TMEM266: variants seen among roughly 807,000 people sequenced by gnomAD.
TMEM266 encodes the protein Hv1 related protein 1.
Under a neutral mutation model 50.5 loss-of-function variants are expected in TMEM266, and 33 were observed. That is an observed-to-expected ratio of 0.65 (90% CI 0.50 to 0.87). The LOEUF (loss-of-function observed/expected upper bound fraction) is 0.87, where lower values mean the gene tolerates loss of function less well. TMEM266 is among the 40% of genes least tolerant of loss of function. The pLI is 0.00. For synonymous variants in TMEM266, 310 were observed against 292.3 expected (o/e 1.06, Z -0.62); for missense variants, 655 against 695.1 (o/e 0.94, Z 0.65).
chr15:76,110,197 G>C (rs2037148843), intron 1 of TMEM266, among the ~76,000 whole-genome samples: 1 of 151,574 alleles, frequency 6.6e-6, no homozygotes. Flanking sequence ...TAGAGATGGG[G>C]TTTCACCATG....
intron 9 of TMEM266, among the ~76,000 whole-genome samples, chr15:76,194,141 G>A (rs2038622132): frequency 6.6e-6 from 1 of 152,210 alleles, no homozygotes; most frequent in Non-Finnish European, 1.5e-5. Context: ...CAGCTCAGCT[G>A]AGCCACGTGT....
chr15:76,103,094 G>A (rs1484953799), intron 1 of TMEM266, among the ~76,000 whole-genome samples: 7 of 152,082 alleles, frequency 4.6e-5, no homozygotes, highest in Admixed American at 1.3e-4. Flanking sequence ...GTAATCGGCC[G>A]AGAGATAGTG....
intron 1 of TMEM266, among the ~76,000 whole-genome samples, chr15:76,132,851 C>T (rs149332341): frequency 1.2e-4 from 12 of 97,544 alleles, no homozygotes; most frequent in Non-Finnish European, 2.3e-4. Context: ...ATTATTATTA[C>T]TGGCCAGGCA....
At chr15:76,127,148 G>A (rs968414300) in intron 1 of TMEM266, among the ~76,000 whole-genome samples, 1 of 151,862 alleles carries the variant, frequency 6.6e-6, no homozygotes, top group African/African-American at 2.4e-5. Context: ...TGATGTGATC[G>A]GTATGTTAAT....
intron 8 of TMEM266, among the ~76,000 whole-genome samples, chr15:76,183,877 C>T (rs367989257): frequency 2.4e-4 from 37 of 152,308 alleles, no homozygotes; most frequent in African/African-American, 6.7e-4. Context: ...CCATCCCCTT[C>T]GCTGTCTTTC....
chr15:76,188,754 G>A lies in TMEM266; in HGVS notation c.769-3214G>A, dbSNP rs187116109. On this transcript the variant is annotated intron_variant, in intron 8 of 10. Coordinates refer to ENST00000388942, the MANE Select transcript of TMEM266 (RefSeq NM_152335.3). ...ATGGGGATTATGGGAACTACAATTC[G>A]AGATGAGATTTGGGTGGGGACACAG... Among the ~76,000 whole-genome samples the A allele has an allele frequency of 1.2e-3, 176 of 152,282 alleles. 1 individual carries two copies. Among genetic ancestry groups the A allele is most frequent in the African/African-American group, 4.1e-3 (169 of 41,552 alleles).
chr15:76,115,838 A>G (rs1364133935), intron 1 of TMEM266, among the ~76,000 whole-genome samples: 4 of 152,194 alleles, frequency 2.6e-5, no homozygotes, highest in Admixed American at 2.6e-4. Flanking sequence ...ATGTGCAGCC[A>G]GGATGCAGCT....
rs116579977 is a variant in TMEM266, at chr15:76,187,583, C to T, written c.769-4385C>T. 9.7e-3 allele frequency among the ~76,000 whole-genome samples: 1,482 copies of T among 152,314 alleles called. 31 individuals carry two copies. Among genetic ancestry groups the T allele is most frequent in the African/African-American group, 0.034 (1,430 of 41,556 alleles). On this transcript the variant is annotated intron_variant, in intron 8 of 10. Coordinates refer to ENST00000388942, the MANE Select transcript of TMEM266 (RefSeq NM_152335.3). ...AGGCTGCCCTATAATGAGCTAGCCT[C>T]GCTTTCTCACTCTGTGAGCCCTCCA...
intron 3 of TMEM266, among the ~76,000 whole-genome samples, chr15:76,154,955 C>G (rs2037902661): frequency 6.6e-6 from 1 of 152,250 alleles, no homozygotes; most frequent in Non-Finnish European, 1.5e-5. Flanking sequence ...GGGCACAGCC[C>G]CCTTCCCAAC....
In TMEM266 at chr15:76,192,166, G is replaced by A; in HGVS notation, c.958+9G>A. ...GCTGCAGCCCTCGCAAGGTAAGCCC[G>A]GGTCTCCACCCGGCCCCAGAGTGTC... On this transcript the variant is annotated intron_variant, in intron 9 of 10. Coordinates refer to ENST00000388942, the MANE Select transcript of TMEM266 (RefSeq NM_152335.3). The A allele has an allele frequency of 7.2e-6, 10 of 1,395,478 alleles. No homozygotes were observed. The highest frequency in any genetic ancestry group is 1.6e-5 in the South Asian group (1 of 62,840). 86.4% of individuals were successfully genotyped at this position (1,395,478 alleles called of 1,614,324 possible). A position where few individuals can be genotyped will look rare whatever the true frequency, so the allele number is the denominator to read the frequency against.
chr15:76,118,075 C>T (rs1182857380), intron 1 of TMEM266, among the ~76,000 whole-genome samples: 1 of 152,240 alleles, frequency 6.6e-6, no homozygotes, highest in Non-Finnish European at 1.5e-5. Flanking sequence ...TGACCAGATA[C>T]ATGCTTCAAA....
At position 76,119,461 on chromosome 15, in the gene TMEM266, A is replaced by G. The variant is rs2037307015; in HGVS notation, c.-96-14707A>G. Among the ~76,000 whole-genome samples the G allele has an allele frequency of 2.0e-5, 3 of 151,788 alleles. No individual in the cohort carries two copies. The South Asian group carries it at 6.2e-4, about 32-fold the overall frequency. Reference sequence around the variant, plus strand: ...CAGGGGGACTAGCTGTTGCTGAAACAATTCATAGAAATATTGTGACGGGAG... The same window carrying G: ...CAGGGGGACTAGCTGTTGCTGAAACGATTCATAGAAATATTGTGACGGGAG... On this transcript the variant is annotated intron_variant, in intron 1 of 10. Transcript: ENST00000388942.
intron 4 of TMEM266, among the ~76,000 whole-genome samples, chr15:76,159,275 C>A (rs2037977237): frequency 6.6e-6 from 1 of 152,220 alleles, no homozygotes. Flanking sequence ...TTTGGCCTCG[C>A]TGGCTAAAAA....
intron 3 of TMEM266, among the ~76,000 whole-genome samples, chr15:76,147,655 G>A (rs769132440): frequency 9.2e-5 from 14 of 152,204 alleles, no homozygotes; most frequent in Non-Finnish European, 8.8e-5. Flanking sequence ...TAATTTAGAC[G>A]AAAACATTTT....
chr15:76,195,658 G>T (rs1325818734), intron 9 of TMEM266, among the ~76,000 whole-genome samples: 3 of 152,216 alleles, frequency 2.0e-5, no homozygotes, highest in Admixed American at 2.0e-4. Context: ...TGGGGCTTGG[G>T]CCTGCCCCGT....
chr15:76,087,613 G>A (rs1332301543), intron 1 of TMEM266, among the ~76,000 whole-genome samples: 1 of 152,110 alleles, frequency 6.6e-6, no homozygotes, highest in Non-Finnish European at 1.5e-5. Flanking sequence ...GGTAGGCATC[G>A]TTGAAATAAT....
intron 1 of TMEM266, among the ~76,000 whole-genome samples, chr15:76,125,877 G>T (rs2037415295): frequency 6.6e-6 from 1 of 151,124 alleles, no homozygotes; most frequent in Admixed American, 6.6e-5. Context: ...CAGTGGGGGG[G>T]ATGGGGATGG....
At position 76,089,383 on chromosome 15, in the gene TMEM266, C is replaced by T. The variant is rs563626174; in HGVS notation, c.-97+29367C>T. On this transcript the variant is annotated intron_variant, in intron 1 of 10. Coordinates refer to ENST00000388942, the MANE Select transcript of TMEM266 (RefSeq NM_152335.3). ...AATTTTTTTGTATTTTTAGTAGAGA[C>T]GGGGTTTCACCGTGTTAGCCAGGAT... is the stretch of plus-strand genomic sequence containing the variant. 1.1e-4 allele frequency among the ~76,000 whole-genome samples: 17 copies of T among 151,826 alleles called. No homozygotes were observed. In the East Asian group the frequency reaches 2.9e-3, roughly 26 times the overall value.
chr15:76,166,064 C>T (rs148126303), intron 5 of TMEM266, among the ~76,000 whole-genome samples: 12 of 152,274 alleles, frequency 7.9e-5, no homozygotes, highest in African/African-American at 2.9e-4. Flanking sequence ...AGCGGGGAGT[C>T]CTTGGCTGCA....
Sources: allele counts gnomAD v4.1 joint callset (sites outside exome capture counted in the v4.1 genomes callset), GRCh38; gene constraint gnomAD v4.1.1; transcripts MANE v1.5; gene names NCBI Gene and HGNC (gene_info 2026-07-23, HGNC 2026-07-21).